The following KCNH5 variants were observed in gnomAD, a reference collection of about 807,000 sequenced individuals.
The protein encoded by KCNH5 is voltage-gated delayed rectifier potassium channel KCNH5.
A neutral mutation model predicts 96.1 loss-of-function variants in KCNH5; 46 were observed. The observed-to-expected ratio is 0.48, with a 90% confidence interval of 0.38 to 0.61. The LOEUF (loss-of-function observed/expected upper bound fraction) is 0.61. Ranked by LOEUF, KCNH5 falls within the 20% of genes least tolerant of loss-of-function variation. KCNH5 has a pLI of 0.00. For missense variants in KCNH5, 907 were observed against 1,225.8 expected, an observed-to-expected ratio of 0.74 and a Z score of 3.88; for synonymous variants, 439 against 449.8, an observed-to-expected ratio of 0.98 and a Z score of 0.30.
intron 7 of KCNH5, among the ~76,000 whole-genome samples, chr14:62,946,197 G>A (rs911866052): frequency 6.6e-6 from 1 of 152,096 alleles, no homozygotes; most frequent in Non-Finnish European, 1.5e-5. Context: ...TACAGGCCAT[G>A]TTATTAATAG....
At chr14:62,779,949 T>C (rs1411100252) in intron 9 of KCNH5, 25 bp from the exon 10 acceptor site, 1 of 1,558,732 alleles carries the variant, frequency 6.4e-7, no homozygotes, top group Non-Finnish European at 8.8e-7. Context: ...AAGATACATA[T>C]TCAAGTATCT....
At chr14:62,862,426 TGTTCATACA>T (rs1259171219) in intron 7 of KCNH5, among the ~76,000 whole-genome samples, 1 of 152,194 alleles carries the variant, frequency 6.6e-6, no homozygotes, top group Non-Finnish European at 1.5e-5. Flanking sequence ...TCTAAATCTT[TGTTCATACA>T]GTTCCCTTGT....
chr14:62,931,875 G>A (rs986138318), intron 7 of KCNH5, among the ~76,000 whole-genome samples: 4 of 152,220 alleles, frequency 2.6e-5, no homozygotes, highest in Middle Eastern at 3.4e-3. Context: ...GAAAGTAGGG[G>A]TTTCACACTG....
At position 62,879,856 on chromosome 14, in the gene KCNH5, T is replaced by C. The variant is rs1222855728; in HGVS notation, c.1370-30004A>G. ...GTTGTGCATTATGATTTGCTCATTA[T>C]ACAAAAGCAAATGTCATCCATGTCT... On this transcript the variant is annotated intron_variant, in intron 7 of 10. Transcript: ENST00000322893. Among the ~76,000 whole-genome samples, 5 of 152,190 alleles carry C rather than the reference T, an allele frequency of 3.3e-5. No individual in the cohort carries two copies. The South Asian group carries it at 8.3e-4, about 25-fold the overall frequency.
At chr14:62,878,745 T>C (rs563437000) in intron 7 of KCNH5, among the ~76,000 whole-genome samples, 1 of 152,292 alleles carries the variant, frequency 6.6e-6, no homozygotes, top group Non-Finnish European at 1.5e-5. Context: ...CTTACTGTGC[T>C]GGATGCTAAA....
chr14:63,038,767 G>C (rs1442201470), intron 1 of KCNH5, among the ~76,000 whole-genome samples: 20 of 151,882 alleles, frequency 1.3e-4, no homozygotes. Flanking sequence ...TATATTTCAA[G>C]ACTCAGCCTT....
In KCNH5 at chr14:63,045,097, A is replaced by C; in HGVS notation, c.73+17T>G. 3 of 1,607,956 alleles carry C rather than the reference A, an allele frequency of 1.9e-6. No homozygotes were observed. Among genetic ancestry groups the C allele is most frequent in the Non-Finnish European group, 2.6e-6 (3 of 1,174,736 alleles). On this transcript the variant is annotated intron_variant, in intron 1 of 10. Transcript: ENST00000322893. ...CGGGATGGAGGTGGGGGTGTTCTGA[A>C]CTACAACTCTCCTTACCACTGGAGC... is the stretch of plus-strand genomic sequence containing the variant.
intron 10 of KCNH5, among the ~76,000 whole-genome samples, chr14:62,763,839 A>C (rs1048568040): frequency 6.6e-6 from 1 of 152,220 alleles, no homozygotes; most frequent in Non-Finnish European, 1.5e-5. Context: ...ACCAGGAATA[A>C]ATTGAAACAC....
chr14:62,906,498 A>G (rs1889030427), intron 7 of KCNH5, among the ~76,000 whole-genome samples: 1 of 152,212 alleles, frequency 6.6e-6, no homozygotes, highest in Non-Finnish European at 1.5e-5. Context: ...AACACTATTC[A>G]CAGGTTTCCA....
At chr14:62,757,018 G>A (rs1037197870) in intron 10 of KCNH5, among the ~76,000 whole-genome samples, 2 of 151,982 alleles carry the variant, frequency 1.3e-5, no homozygotes, top group African/African-American at 4.8e-5. Flanking sequence ...CCACAGAATT[G>A]GAGAAAATAT....
intron 10 of KCNH5, among the ~76,000 whole-genome samples, chr14:62,763,749 C>T (rs1360213989): frequency 6.6e-6 from 1 of 152,136 alleles, no homozygotes; most frequent in Non-Finnish European, 1.5e-5. Context: ...TAGGCTATTA[C>T]AAACACTTTC....
Position 62,714,728 on chromosome 14 carries a change from T to C in KCNH5, c.2020-6273A>G, listed in dbSNP as rs565940918. Among the ~76,000 whole-genome samples the C allele has an allele frequency of 9.2e-5, 14 of 152,328 alleles. 1 individual carries two copies. In the East Asian group the frequency reaches 2.7e-3, roughly 29 times the overall value. Reference sequence around the variant, plus strand: ...TGAATTAAATGGTGTGAAAAATATATATCCTTACTTATCAATGTAGTATTA... The same window carrying C: ...TGAATTAAATGGTGTGAAAAATATACATCCTTACTTATCAATGTAGTATTA... On this transcript the variant is annotated intron_variant, in intron 10 of 10. Coordinates refer to ENST00000322893, the MANE Select transcript of KCNH5 (RefSeq NM_139318.5).
At chr14:62,720,973 G>A (rs1337466614) in intron 10 of KCNH5, among the ~76,000 whole-genome samples, 1 of 152,198 alleles carries the variant, frequency 6.6e-6, no homozygotes, top group Non-Finnish European at 1.5e-5. Flanking sequence ...CATAAAAATG[G>A]CGAAGAGTGA....
intron 7 of KCNH5, among the ~76,000 whole-genome samples, chr14:62,880,785 G>GCAAT (rs1447072030): frequency 6.6e-6 from 1 of 152,120 alleles, no homozygotes; most frequent in Non-Finnish European, 1.5e-5. Flanking sequence ...TGAATAATGA[G>GCAAT]CAATCACTGT....
At position 62,870,545 on chromosome 14, in the gene KCNH5, T is replaced by C. The variant is rs553620930; in HGVS notation, c.1370-20693A>G. On this transcript the variant is annotated intron_variant, in intron 7 of 10. Transcript: ENST00000322893. Reference sequence around the variant, plus strand: ...AAAAATAGGTAATAATTTTTTTAACTTAAAAAAGTCTAAGTTTTATTCTAT... The same window carrying C: ...AAAAATAGGTAATAATTTTTTTAACCTAAAAAAGTCTAAGTTTTATTCTAT... 2.6e-5 allele frequency among the ~76,000 whole-genome samples: 4 copies of C among 152,298 alleles called. No individual in the cohort carries two copies. In the South Asian group the frequency reaches 8.3e-4, roughly 32 times the overall value.
At chr14:62,882,291 AC>A (rs1888510121) in intron 7 of KCNH5, among the ~76,000 whole-genome samples, 1 of 151,632 alleles carries the variant, frequency 6.6e-6, no homozygotes, top group Admixed American at 6.6e-5. Context: ...AAAACTGAAA[AC>A]CCTTCAATAT....
chr14:62,991,330 A>AGG (rs1890804400), intron 4 of KCNH5, among the ~76,000 whole-genome samples: 1 of 151,994 alleles, frequency 6.6e-6, no homozygotes, highest in Admixed American at 6.6e-5. Flanking sequence ...ATGGTAGGGA[A>AGG]GGTTAGAGAA....
intron 7 of KCNH5, among the ~76,000 whole-genome samples, chr14:62,947,170 A>G (rs1029049263): frequency 7.9e-5 from 12 of 152,198 alleles, no homozygotes; most frequent in Admixed American, 7.2e-4. Context: ...CAATGAATCT[A>G]TAATTACTTC....
In KCNH5 at chr14:62,878,903, C is replaced by A. The variant is rs528761154; in HGVS notation, c.1370-29051G>T. Among the ~76,000 whole-genome samples the A allele has an allele frequency of 2.8e-4, 42 of 152,084 alleles. 2 individuals carry two copies. In the South Asian group the frequency reaches 8.7e-3, roughly 32 times the overall value. ...TTCCTCTTATTGTAAGGATACTAGT[C>A]GTACTAGATTAGGACCCACCCTAAT... On this transcript the variant is annotated intron_variant, in intron 7 of 10. Coordinates refer to ENST00000322893, the MANE Select transcript of KCNH5 (RefSeq NM_139318.5).
Sources: allele counts gnomAD v4.1 joint callset (sites outside exome capture counted in the v4.1 genomes callset), GRCh38; gene constraint gnomAD v4.1.1; transcripts MANE v1.5; gene names NCBI Gene and HGNC (gene_info 2026-07-23, HGNC 2026-07-21).